METAP2: variants seen among roughly 807,000 people sequenced by gnomAD.
METAP2 encodes methionyl aminopeptidase 2, also known as methionine aminopeptidase 2.
METAP2 carries 25 observed loss-of-function variants against 59.4 expected under a neutral mutation model. The ratio of observed to expected loss-of-function variants is 0.42; its 90% CI spans 0.31 to 0.59. METAP2 has a LOEUF of 0.59. METAP2 is among the 20% of genes least tolerant of loss of function. The probability of loss-of-function intolerance (pLI) is 0.16; values close to 1 mark genes in which losing one functional copy is unlikely to be tolerated. For missense variants in METAP2, 366 were observed against 581.2 expected (o/e 0.63, Z 3.81); for synonymous variants, 214 against 194.1 (o/e 1.10, Z -0.85).
intron 5 of METAP2, among the ~76,000 whole-genome samples, chr12:95,494,744 TC>T (rs1292237110): frequency 2.6e-5 from 4 of 152,324 alleles, no homozygotes; most frequent in South Asian, 2.1e-4. Flanking sequence ...TCTCTGACTT[TC>T]TAGCAGAATC....
intron 8 of METAP2, 25 bp downstream of exon 8, chr12:95,504,186 A>G (rs1173027754): frequency 1.4e-6 from 2 of 1,446,516 alleles, no homozygotes. Context: ...AATATATCTT[A>G]TTTTGAAATT....
At chr12:95,509,376 C>A (rs2076384760) in intron 8 of METAP2, among the ~76,000 whole-genome samples, 1 of 152,134 alleles carries the variant, frequency 6.6e-6, no homozygotes, top group African/African-American at 2.4e-5. Flanking sequence ...TGTGCATATT[C>A]AGGGAGGTAA....
intron 4 of METAP2, among the ~76,000 whole-genome samples, chr12:95,486,392 T>C (rs1243515906): frequency 6.6e-6 from 1 of 152,242 alleles, no homozygotes; most frequent in Non-Finnish European, 1.5e-5. Flanking sequence ...TGAAACCTTT[T>C]GATAGTTCTT....
chr12:95,508,326 C>CAA (rs2076377658), intron 8 of METAP2, among the ~76,000 whole-genome samples: 2 of 152,026 alleles, frequency 1.3e-5, no homozygotes, highest in African/African-American at 4.8e-5. Flanking sequence ...AGCTTAGAAC[C>CAA]AGTTTTAGGA....
At chr12:95,491,195 A>G (rs1223115425) in intron 4 of METAP2, among the ~76,000 whole-genome samples, 1 of 143,916 alleles carries the variant, frequency 6.9e-6, no homozygotes, top group Non-Finnish European at 1.5e-5. Context: ...TTTTCTTCCT[A>G]TTTAGTTTAT....
intron 2 of METAP2, among the ~76,000 whole-genome samples, chr12:95,481,922 A>G (rs1405004380): frequency 1.3e-5 from 2 of 152,240 alleles, no homozygotes; most frequent in African/African-American, 2.4e-5. Context: ...CAGAACAGAA[A>G]CTATCTTATT....
chr12:95,512,949 A>G (rs201404188), intron 10 of METAP2, 33 bp downstream of exon 10: 1 of 1,229,046 alleles, frequency 8.1e-7, no homozygotes, highest in Non-Finnish European at 1.2e-6. Flanking sequence ...TTATGTGGCT[A>G]ATTAGCATCT....
In METAP2 at chr12:95,511,927, A is replaced by G. The variant is rs1267211558; in HGVS notation, c.997A>G (p.Ile333Val). Residue 333 changes from isoleucine to valine, a missense_variant, in exon 9 of 11, where the codon ATT (isoleucine) becomes GTT (valine). Coordinates refer to ENST00000323666, the MANE Select transcript of METAP2 (RefSeq NM_006838.4). Reference protein sequence around the residue: ...KPIRNLNGHSIGQYRIHAGKT... With the variant: ...KPIRNLNGHSVGQYRIHAGKT... ...AATCCGTAATCTAAATGGACATTCAATTGGGCAATATAGAATACATGCTGG... is the reference window on the plus strand; with the variant it reads ...AATCCGTAATCTAAATGGACATTCAGTTGGGCAATATAGAATACATGCTGG... 8 of 1,610,996 alleles carry G rather than the reference A, an allele frequency of 5.0e-6. No homozygotes were observed. The highest frequency in any genetic ancestry group is 4.0e-5 in the African/African-American group (3 of 74,832).
At chr12:95,486,771 A>G (rs2076200340) in intron 4 of METAP2, among the ~76,000 whole-genome samples, 1 of 152,226 alleles carries the variant, frequency 6.6e-6, no homozygotes, top group Non-Finnish European at 1.5e-5. Flanking sequence ...TGCTGGGATT[A>G]CAGGCATGAG....
intron 4 of METAP2, among the ~76,000 whole-genome samples, chr12:95,491,039 A>G (rs973399054): frequency 6.7e-6 from 1 of 148,586 alleles, no homozygotes; most frequent in Non-Finnish European, 1.5e-5. Flanking sequence ...TCCTACTGTT[A>G]GTTTTATTGT....
chr12:95,483,139 C>G, intron 2 of METAP2, 76 bp from the exon 3 acceptor site: 1 of 1,066,354 alleles, frequency 9.4e-7, no homozygotes, highest in Non-Finnish European at 1.5e-6. Context: ...AGAGCAAATA[C>G]TTGTCTCCTT....
At chr12:95,488,422 T>C (rs2076213167) in intron 4 of METAP2, among the ~76,000 whole-genome samples, 2 of 146,704 alleles carry the variant, frequency 1.4e-5, no homozygotes, top group Non-Finnish European at 3.0e-5. Context: ...GGCAGGAGAA[T>C]CGCTTGAACA....
rs186370168 is a variant in METAP2 at position 95,482,144 on chromosome 12, C to G, written c.260-1071C>G. ...GTTGTTAGGATACAAGATCTCCCTCCCGTCACCCAGGCTGACGTGCTGTGG... is the reference window on the plus strand; with the variant it reads ...GTTGTTAGGATACAAGATCTCCCTCGCGTCACCCAGGCTGACGTGCTGTGG... On this transcript the variant is annotated intron_variant, in intron 2 of 10. Transcript: ENST00000323666. The G allele has an allele frequency of 3.3e-4, 148 of 453,374 alleles. 2 individuals carry two copies. The East Asian group carries it at 1.0e-2, about 31-fold the overall frequency. 28.1% of individuals were successfully genotyped at this position (453,374 alleles called of 1,614,324 possible).
chr12:95,478,491 G>A (rs1035509852), intron 2 of METAP2, among the ~76,000 whole-genome samples: 1 of 152,112 alleles, frequency 6.6e-6, no homozygotes. Flanking sequence ...AATTAGCCAG[G>A]TGTGGTGGTG....
At chr12:95,484,715 T>G in intron 3 of METAP2, 1 of 366,794 alleles carries the variant, frequency 2.7e-6, no homozygotes, top group Non-Finnish European at 5.2e-6. Flanking sequence ...GGTACTCTTT[T>G]TTTTTTCTGC....
Position 95,513,730 on chromosome 12 carries a change from T to A in METAP2, c.1263T>A (p.Asp421Glu). ...TTGCCTTCTGCCGCAGATGGCTGGATCGCTTGGGAGAAAGTAAATACTTGA... is the reference window on the plus strand; with the variant it reads ...TTGCCTTCTGCCGCAGATGGCTGGAACGCTTGGGAGAAAGTAAATACTTGA... ...GTLAFCRRWLDRLGESKYLMA... is the reference protein window; with the variant it reads ...GTLAFCRRWLERLGESKYLMA... Residue 421 changes from aspartate (D) to glutamate (E), a missense_variant, in exon 11 of 11, where the codon GAT becomes GAA. Coordinates refer to ENST00000323666, the MANE Select transcript of METAP2 (RefSeq NM_006838.4). 6.2e-7 allele frequency: 1 copy of A among 1,614,244 alleles called. No individual in the cohort carries two copies. The highest frequency in any genetic ancestry group is 1.7e-5 in the Admixed American group (1 of 60,030).
At chr12:95,482,051 T>G (rs2076162240) in intron 2 of METAP2, 1 of 391,544 alleles carries the variant, frequency 2.6e-6, no homozygotes, top group African/African-American at 2.1e-5. Context: ...TCGTGTGCCT[T>G]TTGTTAGGCT....
rs1172894642 is a variant in METAP2 at position 95,484,027 on chromosome 12, A to G, written c.325+747A>G. 3.9e-5 allele frequency among the ~76,000 whole-genome samples: 6 copies of G among 152,110 alleles called. No individual in the cohort carries two copies. In the East Asian group the frequency reaches 1.2e-3, roughly 29 times the overall value. On this transcript the variant is annotated intron_variant, in intron 3 of 10. Coordinates refer to ENST00000323666, the MANE Select transcript of METAP2 (RefSeq NM_006838.4). The stretch of plus-strand genomic sequence containing the variant: ...CAAACATCATCAGGTGCCCGAAAAT[A>G]TATTAAGGAGGCTGAAGGGAGATTT...
intron 2 of METAP2, among the ~76,000 whole-genome samples, chr12:95,480,689 GT>G (rs2076152329): frequency 6.6e-6 from 1 of 152,080 alleles, no homozygotes; most frequent in Non-Finnish European, 1.5e-5. Context: ...TTTTGTCCAT[GT>G]TTTATTGGGT....
Sources: gnomAD v4.1 joint callset for allele counts (sites outside exome capture counted in the v4.1 genomes callset) on GRCh38, gnomAD v4.1.1 for gene constraint, MANE v1.5 for transcripts, NCBI Gene and HGNC (gene_info 2026-07-23, HGNC 2026-07-21) for gene names.